The following PASD1 variants were observed in gnomAD, a reference collection of about 807,000 sequenced individuals.
The protein encoded by PASD1 is PAS domain containing repressor 1.
A neutral mutation model predicts 58.8 loss-of-function variants in PASD1; 13 were observed. The ratio of observed to expected loss-of-function variants is 0.22; its 90% CI spans 0.14 to 0.35. PASD1 has a LOEUF of 0.35. Ranked by LOEUF, PASD1 falls within the 10% of genes least tolerant of loss-of-function variation. PASD1 has a pLI of 1.00. For missense variants in PASD1, 734 were observed against 568.3 expected (o/e 1.29, Z -2.96); for synonymous variants, 236 against 216.7 (o/e 1.09, Z -0.78).
In PASD1 at chrX:151,674,158, C is replaced by A; in HGVS notation, c.2147C>A (p.Thr716Asn). The A allele has an allele frequency of 8.3e-7, 1 of 1,211,907 alleles. No individual in the cohort carries two copies. Among genetic ancestry groups the A allele is most frequent in the Non-Finnish European group, 1.1e-6 (1 of 895,563 alleles). Reference protein sequence around the residue: ...VNTWSCDEQGTLHGQPTYHQV... With the variant: ...VNTWSCDEQGNLHGQPTYHQV... ...ACTTGGTCTTGCGATGAGCAGGGCA[C>A]CCTGCACGGCCAACCCACCTACCAT... Residue 716 changes from threonine (T) to asparagine (N), a missense_variant, in exon 15 of 16, where the codon ACC (threonine) becomes AAC (asparagine). Thr to Asn is a moderately conservative substitution (Grantham distance 65). Transcript: ENST00000370357.
At chrX:151,605,166 A>T (rs760077825) in intron 3 of PASD1, among the ~76,000 whole-genome samples, 7 of 111,562 alleles carry the variant, frequency 6.3e-5, no homozygotes, top group Non-Finnish European at 1.1e-4. Context: ...CACAAACTGC[A>T]CTCTGAAGAA....
intron 1 of PASD1, among the ~76,000 whole-genome samples, chrX:151,574,900 C>T (rs1342058759): frequency 1.8e-5 from 2 of 112,093 alleles, no homozygotes; most frequent in Non-Finnish European, 3.8e-5. Context: ...ATCCTCCTGT[C>T]TCAGGCTTCC....
At chrX:151,610,654 TTAAAA>T (rs1163328552) in intron 3 of PASD1, among the ~76,000 whole-genome samples, 1 of 111,797 alleles carries the variant, frequency 8.9e-6, no homozygotes, top group Non-Finnish European at 1.9e-5. Flanking sequence ...AACCCTCACT[TTAAAA>T]TAATTCTCTA....
rs5970088 is a variant in PASD1 at position 151,659,624 on chromosome X, A to C, written c.718-89A>C. On this transcript the variant is annotated intron_variant, in intron 9 of 15. Transcript: ENST00000370357. The stretch of plus-strand genomic sequence containing the variant: ...GCAGTGTTAGAAATTGTGATGTGAA[A>C]TGCATCAAAGTTTGTATTCTGCCTG... 5,588 of 909,088 alleles carry C rather than the reference A, an allele frequency of 6.1e-3. 184 individuals carry two copies. The African/African-American group carries it at 0.098, about 16-fold the overall frequency. 74.9% of individuals were successfully genotyped at this position (909,088 alleles called of 1,213,427 possible). A position where few individuals can be genotyped will look rare whatever the true frequency, so the allele number is the denominator to read the frequency against.
chrX:151,586,229 C>A (rs1018760896), intron 1 of PASD1, among the ~76,000 whole-genome samples: 2 of 112,100 alleles, frequency 1.8e-5, no homozygotes, highest in Non-Finnish European at 3.8e-5. Flanking sequence ...CTAAAGTTTC[C>A]CACTTATTCA....
At chrX:151,606,456 G>C (rs990129199) in intron 3 of PASD1, among the ~76,000 whole-genome samples, 6 of 111,572 alleles carry the variant, frequency 5.4e-5, no homozygotes, top group African/African-American at 2.0e-4. Context: ...TTTCCTTCCT[G>C]TTTGCCATAC....
chrX:151,647,650 T>C (rs2014077076), intron 8 of PASD1, among the ~76,000 whole-genome samples: 2 of 110,749 alleles, frequency 1.8e-5, no homozygotes, highest in African/African-American at 6.5e-5. Context: ...TGCAAATCAG[T>C]ACTTCCTAAA....
At chrX:151,565,597 A>G (rs1178334123) in intron 1 of PASD1, among the ~76,000 whole-genome samples, 4 of 94,769 alleles carry the variant, frequency 4.2e-5, no homozygotes, top group African/African-American at 1.3e-4. Context: ...TCTCGCTCTC[A>G]ACCAGGCTGG....
rs140458821 is a variant in PASD1 at position 151,630,143 on chromosome X, G to A, written c.629+4613G>A. On this transcript the variant is annotated intron_variant, in intron 8 of 15. Coordinates refer to ENST00000370357, the MANE Select transcript of PASD1 (RefSeq NM_173493.3). ...GAAGTAAGATAGAAAATGACACTTA[G>A]GGAAAAAGCGGATGCATTTAATGAA... Among the ~76,000 whole-genome samples the A allele has an allele frequency of 3.4e-3, 379 of 111,980 alleles. 3 individuals are homozygous for A. Among genetic ancestry groups the A allele is most frequent in the African/African-American group, 0.012 (364 of 30,819 alleles).
chrX:151,673,988 A>T lies in PASD1; in HGVS notation c.1977A>T (p.Ser659=). ...PVNQLPLIDT[S]NSEAISSSSI... ...ACCAGCTGCCATTGATAGATACCTC[A>T]AACTCTGAGGCAATTTCTTCTTCCA... Residue 659 remains serine (S), a synonymous_variant, in exon 15 of 16, where the codon TCA becomes TCT. Transcript: ENST00000370357. 1 of 1,211,056 alleles carries T rather than the reference A, an allele frequency of 8.3e-7. No individual in the cohort carries two copies. Among genetic ancestry groups the T allele is most frequent in the Non-Finnish European group, 1.1e-6 (1 of 894,719 alleles).
At position 151,630,857 on chromosome X, in the gene PASD1, A is replaced by G. The variant is rs749243413; in HGVS notation, c.629+5327A>G. 1.1e-3 allele frequency among the ~76,000 whole-genome samples: 124 copies of G among 112,679 alleles called. 1 individual carries two copies. Among genetic ancestry groups the G allele is most frequent in the Non-Finnish European group, 1.8e-3 (96 of 53,361 alleles). On this transcript the variant is annotated intron_variant, in intron 8 of 15. Coordinates refer to ENST00000370357, the MANE Select transcript of PASD1 (RefSeq NM_173493.3). ...CAGGTTTAAGATTTGAGGCTTAAAA[A>G]TCTTTCATTTCAGGAGAGGGCCTGA...
chrX:151,674,272 C>T, intron 15 of PASD1, 86 bp downstream of exon 15: 1 of 1,117,307 alleles, frequency 9.0e-7, no homozygotes, highest in Non-Finnish European at 1.2e-6. Flanking sequence ...ACCCCAAGTG[C>T]ATGCTGTGTG....
At chrX:151,610,939 CT>C (rs34213540) in intron 3 of PASD1, among the ~76,000 whole-genome samples, 41,106 of 110,132 alleles carry the variant, frequency 0.37, 5,755 homozygotes, top group African/African-American at 0.41. Context: ...AAGTGTCTCC[CT>C]TTTGGAGACC....
intron 4 of PASD1, among the ~76,000 whole-genome samples, chrX:151,616,852 G>A (rs1340350263): frequency 9.0e-6 from 1 of 111,232 alleles, no homozygotes; most frequent in Non-Finnish European, 1.9e-5. Context: ...TAGTAGTGAT[G>A]AGTCTCATTT....
chrX:151,642,836 A>T (rs2014014051), intron 8 of PASD1, among the ~76,000 whole-genome samples: 1 of 111,933 alleles, frequency 8.9e-6, no homozygotes, highest in African/African-American at 3.3e-5. Context: ...TCTGTACCCC[A>T]GGTCCCTTAC....
chrX:151,672,070 G>A, intron 13 of PASD1, 113 bp from the exon 14 acceptor site: 1 of 1,057,779 alleles, frequency 9.5e-7, no homozygotes, highest in Non-Finnish European at 1.2e-6. Context: ...TGTGCAGAGA[G>A]GCTCAACTGT....
At chrX:151,665,458 C>T (rs1048779299) in intron 11 of PASD1, among the ~76,000 whole-genome samples, 2 of 111,842 alleles carry the variant, frequency 1.8e-5, no homozygotes, top group African/African-American at 6.5e-5. Context: ...TAGGCTTATT[C>T]CTGGGTGCCA....
At chrX:151,579,693 G>A (rs2013057443) in intron 1 of PASD1, among the ~76,000 whole-genome samples, 1 of 111,356 alleles carries the variant, frequency 9.0e-6, no homozygotes, top group Admixed American at 9.5e-5. Flanking sequence ...GGGAGAAAGT[G>A]AAGATGGGAG....
chrX:151,651,402 C>T (rs1042390323), intron 9 of PASD1, among the ~76,000 whole-genome samples: 4 of 111,855 alleles, frequency 3.6e-5, no homozygotes, highest in African/African-American at 1.3e-4. Flanking sequence ...ATTGCTTTTG[C>T]ACCCAAATCC....
Sources: gnomAD v4.1 joint callset for allele counts (sites outside exome capture counted in the v4.1 genomes callset) on GRCh38, gnomAD v4.1.1 for gene constraint, MANE v1.5 for transcripts, NCBI Gene and HGNC (gene_info 2026-07-23, HGNC 2026-07-21) for gene names.